CLVS1: variants seen among roughly 807,000 people sequenced by gnomAD.
CLVS1 encodes the protein clavesin-1.
CLVS1 carries 10 observed loss-of-function variants against 33.1 expected under a neutral mutation model. The ratio of observed to expected loss-of-function variants is 0.30; its 90% CI spans 0.19 to 0.51. The LOEUF (loss-of-function observed/expected upper bound fraction) is 0.51, where lower values mean the gene tolerates loss of function less well. Ranked by LOEUF, CLVS1 falls within the 20% of genes least tolerant of loss-of-function variation. The pLI is 0.97. For missense variants in CLVS1, 343 were observed against 433.4 expected (o/e 0.79, Z 1.85); for synonymous variants, 163 against 166.1 (o/e 0.98, Z 0.14).
intron 5 of CLVS1, among the ~76,000 whole-genome samples, chr8:61,472,438 GA>G (rs1285612490): frequency 6.6e-6 from 1 of 151,988 alleles, no homozygotes; most frequent in Admixed American, 6.6e-5. Flanking sequence ...GAGAAGAAAG[GA>G]AAAATCGTGT....
intron 5 of CLVS1, among the ~76,000 whole-genome samples, chr8:61,478,910 C>T (rs551582449): frequency 6.6e-6 from 1 of 152,282 alleles, no homozygotes; most frequent in African/African-American, 2.4e-5. Context: ...ATATTGGCCC[C>T]CACTCTCTTC....
rs73685742 is a variant in CLVS1, at chr8:61,138,733, G to C, written c.-152+6873G>C. Reference sequence around the variant, plus strand: ...GAGCCAGAGAAGGGGGAGAGCAGCAGGCTCCCAGGAAGGGCTGAGTTATCT... The same window carrying C: ...GAGCCAGAGAAGGGGGAGAGCAGCACGCTCCCAGGAAGGGCTGAGTTATCT... On this transcript the variant is annotated intron_variant, in intron 2 of 2. Coordinates refer to the CLVS1 transcript ENST00000522621. Among the ~76,000 whole-genome samples the C allele has an allele frequency of 6.0e-3, 914 of 152,270 alleles. 6 individuals carry two copies. The highest frequency in any genetic ancestry group is 0.019 in the African/African-American group (810 of 41,548).
the CLVS1 span, among the ~76,000 whole-genome samples, chr8:60,986,059 A>G: frequency 2.2e-4 from 33 of 152,226 alleles, no homozygotes; most frequent in Non-Finnish European, 2.9e-4. Flanking sequence ...CATCCTGAAT[A>G]CCCAGCAATG....
Position 61,288,002 on chromosome 8 carries a change from C to T in CLVS1, c.-288C>T, listed in dbSNP as rs1325282463. ...ACCAAAATCACAGCCCCTTGTGGAG[C>T]CCGAGCTCTCATTCACAGCTTTCTA... On this transcript the variant is annotated 5_prime_UTR_variant, in exon 1 of 6. Coordinates refer to ENST00000325897, the MANE Select transcript of CLVS1 (RefSeq NM_173519.3). 3 of 418,852 alleles carry T rather than the reference C, an allele frequency of 7.2e-6. 1 individual carries two copies. The highest frequency in any genetic ancestry group is 4.1e-5 in the African/African-American group (2 of 49,362). 25.9% of individuals were successfully genotyped at this position (418,852 alleles called of 1,614,324 possible). A position where few individuals can be genotyped will look rare whatever the true frequency, so the allele number is the denominator to read the frequency against.
intron 2 of CLVS1, among the ~76,000 whole-genome samples, chr8:61,156,186 G>A (rs1806643508): frequency 8.1e-6 from 1 of 122,726 alleles, no homozygotes. Context: ...TGCATTTCCA[G>A]CCTGGGCTAC....
chr8:61,424,118 A>G lies in CLVS1; in HGVS notation c.631-30023A>G, dbSNP rs6986147. On this transcript the variant is annotated intron_variant, in intron 3 of 5. Coordinates refer to ENST00000325897, the MANE Select transcript of CLVS1 (RefSeq NM_173519.3). The stretch of plus-strand genomic sequence containing the variant: ...CTATACACAGATAAACCTGTTAGCA[A>G]GTTCACTCATTAGCTCCTGTATTTT... Among the ~76,000 whole-genome samples the G allele has an allele frequency of 3.6e-3, 542 of 152,314 alleles. 4 individuals are homozygous for G. Among genetic ancestry groups the G allele is most frequent in the African/African-American group, 0.012 (479 of 41,578 alleles).
chr8:61,100,074 C>T (rs1205651795), intron 1 of CLVS1, among the ~76,000 whole-genome samples: 1 of 152,176 alleles, frequency 6.6e-6, no homozygotes, highest in East Asian at 1.9e-4. Context: ...CCATTGAATT[C>T]CACTGCATGT....
chr8:61,037,057 C>T, the CLVS1 span, among the ~76,000 whole-genome samples: 5 of 152,196 alleles, frequency 3.3e-5, no homozygotes, highest in South Asian at 1.0e-3. Context: ...AGTATTTCTA[C>T]ATCAGTGTTT....
At chr8:61,394,684 C>T (rs1333581438) in intron 3 of CLVS1, among the ~76,000 whole-genome samples, 2 of 152,146 alleles carry the variant, frequency 1.3e-5, no homozygotes, top group African/African-American at 2.4e-5. Flanking sequence ...TTCCATACCT[C>T]GCCAGCAGCA....
In CLVS1 at chr8:61,356,980, C is replaced by G. The variant is rs550819289; in HGVS notation, c.456-19625C>G. 1.1e-4 allele frequency among the ~76,000 whole-genome samples: 16 copies of G among 152,178 alleles called. 1 individual carries two copies. In the South Asian group the frequency reaches 2.3e-3, roughly 22 times the overall value. On this transcript the variant is annotated intron_variant, in intron 2 of 5. Coordinates refer to ENST00000325897, the MANE Select transcript of CLVS1 (RefSeq NM_173519.3). ...TCATTGGTAGCTTGATGGGGATGGC[C>G]TTGAATCTACAAATTACCTTGGGCA...
chr8:61,218,473 G>A (rs1808138322), intron 2 of CLVS1, among the ~76,000 whole-genome samples: 1 of 152,056 alleles, frequency 6.6e-6, no homozygotes, highest in Admixed American at 6.6e-5. Flanking sequence ...GAAGTAAAAA[G>A]TAGAACAGAA....
At chr8:61,481,939 A>T (rs1818210311) in intron 5 of CLVS1, among the ~76,000 whole-genome samples, 1 of 152,142 alleles carries the variant, frequency 6.6e-6, no homozygotes, top group African/African-American at 2.4e-5. Flanking sequence ...TAACTGGGAG[A>T]CATCTCCCAG....
At chr8:61,246,725 G>A (rs1456568009) in intron 2 of CLVS1, among the ~76,000 whole-genome samples, 3 of 151,902 alleles carry the variant, frequency 2.0e-5, no homozygotes, top group African/African-American at 7.3e-5. Context: ...GTTTTTGTTT[G>A]TCAGAAAATG....
At chr8:61,219,917 T>G (rs1285766025) in intron 2 of CLVS1, among the ~76,000 whole-genome samples, 2 of 152,256 alleles carry the variant, frequency 1.3e-5, no homozygotes, top group African/African-American at 4.8e-5. Flanking sequence ...GAGCTTTTTT[T>G]CATATGTTTG....
At chr8:61,495,086 T>C (rs910308381) in intron 5 of CLVS1, among the ~76,000 whole-genome samples, 1 of 152,192 alleles carries the variant, frequency 6.6e-6, no homozygotes, top group Non-Finnish European at 1.5e-5. Flanking sequence ...AGTACATCTA[T>C]TAGAAGAAAT....
chr8:61,440,246 A>T (rs1194716449), intron 3 of CLVS1, among the ~76,000 whole-genome samples: 1 of 152,246 alleles, frequency 6.6e-6, no homozygotes, highest in Non-Finnish European at 1.5e-5. Flanking sequence ...ATAATAATAG[A>T]ACCTCTATAA....
rs537292113 is a variant in CLVS1, at chr8:61,222,269, A to C, written c.-151-77408A>C. Among the ~76,000 whole-genome samples, 12 of 150,538 alleles carry C rather than the reference A, an allele frequency of 8.0e-5. No individual in the cohort carries two copies. The East Asian group carries it at 2.4e-3, about 30-fold the overall frequency. ...TGCCTCTCTAGTTTTTTTAATTGTG[A>C]TGTTAGGGTGTCAATTTGAGATTTT... is the stretch of plus-strand genomic sequence containing the variant. On this transcript the variant is annotated intron_variant, in intron 2 of 2. Coordinates refer to the CLVS1 transcript ENST00000522621.
chr8:61,148,557 G>A (rs776703112), intron 2 of CLVS1, among the ~76,000 whole-genome samples: 15 of 152,182 alleles, frequency 9.9e-5, no homozygotes, highest in African/African-American at 1.2e-4. Context: ...TTAGTTGGCT[G>A]AGAGATTAAT....
intron 3 of CLVS1, among the ~76,000 whole-genome samples, chr8:61,385,974 TG>T (rs1164569046): frequency 1.3e-5 from 2 of 152,246 alleles, no homozygotes; most frequent in African/African-American, 2.4e-5. Context: ...GGGACTTTTT[TG>T]TTGCATTTTT....
Sources: gnomAD v4.1 joint callset for allele counts (sites outside exome capture counted in the v4.1 genomes callset) on GRCh38, gnomAD v4.1.1 for gene constraint, MANE v1.5 for transcripts, NCBI Gene and HGNC (gene_info 2026-07-23, HGNC 2026-07-21) for gene names.